The following VPS13D variants were observed in gnomAD, a reference collection of about 807,000 sequenced individuals.
The protein encoded by VPS13D is vacuolar protein sorting 13 homolog D.
In VPS13D, 187 loss-of-function variants were observed where a neutral mutation model predicts 461.9. The observed-to-expected ratio is 0.40, with a 90% CI of 0.36 to 0.46. The LOEUF (loss-of-function observed/expected upper bound fraction) is 0.46, where lower values mean the gene tolerates loss of function less well. Among genes scored for constraint, VPS13D ranks in the 20% least tolerant of loss-of-function variants. The pLI, the probability that VPS13D is intolerant of heterozygous loss-of-function variation, is 0.60. For synonymous variants in VPS13D, 1,951 were observed against 1,986.3 expected (o/e 0.98, Z 0.47); for missense variants, 4,711 against 5,364.9 (o/e 0.88, Z 3.81).
intron 65 of VPS13D, among the ~76,000 whole-genome samples, chr1:12,455,381 A>G (rs984408071): frequency 3.1e-4 from 47 of 152,350 alleles, no homozygotes; most frequent in African/African-American, 1.1e-3. Flanking sequence ...TCTTACCATG[A>G]TACAGTCCTG....
intron 10 of VPS13D, among the ~76,000 whole-genome samples, chr1:12,259,151 C>G (rs1364536800): frequency 6.6e-6 from 1 of 151,656 alleles, no homozygotes; most frequent in Non-Finnish European, 1.5e-5. Context: ...AAGCCATTCT[C>G]CCAACTCAGC....
rs932691541 is a variant in VPS13D, at chr1:12,383,277, C to T, written c.11370+122C>T. On this transcript the variant is annotated intron_variant, in intron 58 of 69. Transcript: ENST00000620676. ...AGATATGAAGATATGGTATCTTCAT[C>T]TGTAAAATGGGGATAGGATCTACCT... 7.8e-6 allele frequency: 8 copies of T among 1,025,694 alleles called. No homozygotes were observed. In the Admixed American group the frequency reaches 9.6e-5, roughly 12 times the overall value. 63.5% of individuals were successfully genotyped at this position (1,025,694 alleles called of 1,614,324 possible). A position where few individuals can be genotyped will look rare whatever the true frequency, so the allele number is the denominator to read the frequency against.
intron 32 of VPS13D, 119 bp from the exon 33 acceptor site, chr1:12,321,690 T>G: frequency 9.3e-7 from 1 of 1,070,042 alleles, no homozygotes; most frequent in Non-Finnish European, 1.3e-6. Flanking sequence ...TTTCAGCAGT[T>G]GTTATGGGTC....
At chr1:12,462,172 T>G (rs1645421813) in intron 67 of VPS13D, among the ~76,000 whole-genome samples, 1 of 152,206 alleles carries the variant, frequency 6.6e-6, no homozygotes, top group Non-Finnish European at 1.5e-5. Flanking sequence ...ATATAAACAC[T>G]TATTTGCTGA....
intron 65 of VPS13D, among the ~76,000 whole-genome samples, chr1:12,421,311 G>A (rs1007981895): frequency 1.3e-5 from 2 of 152,190 alleles, no homozygotes; most frequent in African/African-American, 4.8e-5. Flanking sequence ...CAAGGCAATC[G>A]CTTCTGGAAG....
At chr1:12,296,538 C>A (rs553166818) in intron 24 of VPS13D, among the ~76,000 whole-genome samples, 1 of 152,062 alleles carries the variant, frequency 6.6e-6, no homozygotes, top group Non-Finnish European at 1.5e-5. Context: ...TCATAGATAT[C>A]CTATGTAGCA....
chr1:12,352,965 CAAAAAAAAAAAAAAAAAA>C lies in VPS13D; in HGVS notation c.9432-995_9432-978del, dbSNP rs61588046. On this transcript the variant is annotated intron_variant, in intron 46 of 69. Coordinates refer to ENST00000620676, the MANE Select transcript of VPS13D (RefSeq NM_015378.4). ...GGGCAATAAGAGTGAAACTCAGTCT[CAAAAAAAAAAAAAAAAAA>C]AAAAAAAAAAAAAGGACCCAGCAAG... is the stretch of plus-strand genomic sequence containing the variant. 1.1e-3 allele frequency among the ~76,000 whole-genome samples: 19 copies of C among 17,588 alleles called. No individual in the cohort carries two copies. The Admixed American group carries it at 0.011, about 10-fold the overall frequency. The allele number at this position is 17,588 out of a possible 152,430, so 11.5% of individuals were successfully genotyped here.
intron 67 of VPS13D, among the ~76,000 whole-genome samples, chr1:12,477,140 G>A (rs1645643018): frequency 6.6e-6 from 1 of 152,186 alleles, no homozygotes; most frequent in South Asian, 2.1e-4. Context: ...TTAGTATCAA[G>A]ATGGGTGAAG....
In VPS13D at chr1:12,253,815, A is replaced by G. The variant is rs1425259841; in HGVS notation, c.658A>G (p.Met220Val). The G allele has an allele frequency of 1.9e-6, 3 of 1,613,922 alleles. No individual in the cohort carries two copies. The highest frequency in any genetic ancestry group is 2.2e-5 in the East Asian group (1 of 44,884). Residue 220 changes from methionine (M) to valine (V), a missense_variant, in exon 7 of 70, where the codon ATG (methionine) becomes GTG (valine). By Grantham distance (21) the Met-to-Val change is conservative. Coordinates refer to ENST00000620676, the MANE Select transcript of VPS13D (RefSeq NM_015378.4). ...DCTLLGDLPQ[M>V]ELQEAMARSM... is the part of the protein sequence containing the mutation. ...CACTTTACTGGGGGATTTGCCTCAG[A>G]TGGAGTTACAGGTACGATTTCGGCA...
chr1:12,504,863 GA>G (rs886367087), intron 68 of VPS13D, among the ~76,000 whole-genome samples: 4 of 152,182 alleles, frequency 2.6e-5, no homozygotes, highest in Non-Finnish European at 5.9e-5. Flanking sequence ...CTGGGTGTGA[GA>G]GCATCTGCCC....
chr1:12,299,936 G>A lies in VPS13D; in HGVS notation c.6216+552G>A, dbSNP rs1406609613. Among the ~76,000 whole-genome samples, 2 of 150,984 alleles carry A rather than the reference G, an allele frequency of 1.3e-5. No individual in the cohort carries two copies. The highest frequency in any genetic ancestry group is 2.1e-4 in the South Asian group (1 of 4,784). On this transcript the variant is annotated intron_variant, in intron 25 of 69. Transcript: ENST00000620676. This position sits in a 1 kb window ranked among gnomAD's most constrained non-coding sequence, Gnocchi z 4.2. ...TTTTCAACTTTTGTTTTAGATACAG[G>A]GGGTACATGTGCAGGTTTCTTAGAT...
At chr1:12,365,977 C>T (rs565272029) in intron 52 of VPS13D, among the ~76,000 whole-genome samples, 5 of 151,770 alleles carry the variant, frequency 3.3e-5, no homozygotes, top group Non-Finnish European at 7.4e-5. Flanking sequence ...AATCATAGTT[C>T]ACTGTGACTT....
chr1:12,420,806 C>A (rs1031353996), intron 65 of VPS13D, among the ~76,000 whole-genome samples: 12 of 152,126 alleles, frequency 7.9e-5, no homozygotes, highest in Non-Finnish European at 1.3e-4. Context: ...TGGTAACTCC[C>A]CCTGTCACAC....
At chr1:12,318,978 A>T (rs969088849) in intron 31 of VPS13D, among the ~76,000 whole-genome samples, 1 of 152,254 alleles carries the variant, frequency 6.6e-6, no homozygotes, top group Non-Finnish European at 1.5e-5. Context: ...AGTTTAAAGC[A>T]GAGTGAATTT....
rs1645588094 is a variant in VPS13D at position 12,473,396 on chromosome 1, AC to A, written c.12662+13001del. Among the ~76,000 whole-genome samples, 1 of 152,206 alleles carries A rather than the reference AC, an allele frequency of 6.6e-6. No homozygotes were observed. Among genetic ancestry groups the A allele is most frequent in the Non-Finnish European group, 1.5e-5 (1 of 68,036 alleles). On this transcript the variant is annotated intron_variant, in intron 67 of 69. Coordinates refer to ENST00000620676, the MANE Select transcript of VPS13D (RefSeq NM_015378.4). The surrounding 1 kb of genome is among the most constrained non-coding windows in gnomAD (Gnocchi z 4.2). ...AGGAAGCAAGAAGGGGTTCCGCAGC[AC>A]TGGCTGCTTCCGGCATCTGCAGTGC...
chr1:12,416,624 C>T (rs1010635635), intron 64 of VPS13D, 36 bp from the exon 65 acceptor site: 16 of 1,596,582 alleles, frequency 1.0e-5, no homozygotes, highest in Non-Finnish European at 1.4e-5. Context: ...TAAGTAGATG[C>T]TGATTGGACT....
rs755586725 is a variant in VPS13D, at chr1:12,333,253, C to T, written c.8315C>T (p.Pro2772Leu). The T allele has an allele frequency of 1.4e-5, 22 of 1,613,938 alleles. No individual in the cohort carries two copies. The East Asian group carries it at 4.7e-4, about 34-fold the overall frequency. The change falls in exon 38 of 70, where the codon CCA (proline) becomes CTA (leucine). Residue 2772 changes from proline (P) to leucine (L), a missense_variant. Physicochemically the swap from Pro to Leu is moderately conservative, Grantham distance 98. This residue lies in a region of VPS13D where 4,411 missense variants were observed against 4,937.8 expected (regional missense o/e 0.89). Coordinates refer to ENST00000620676, the MANE Select transcript of VPS13D (RefSeq NM_015378.4). ...TGGGAGCCATTTATTGAGCCTTGGCCATGCTCTGTATCCTGGCAACAGCAG... is the reference window on the plus strand; with the variant it reads ...TGGGAGCCATTTATTGAGCCTTGGCTATGCTCTGTATCCTGGCAACAGCAG... ...SGWEPFIEPWPCSVSWQQQAA... is the reference protein window; with the variant it reads ...SGWEPFIEPWLCSVSWQQQAA...
At chr1:12,484,392 G>T (rs531139744) in intron 67 of VPS13D, among the ~76,000 whole-genome samples, 6 of 152,272 alleles carry the variant, frequency 3.9e-5, no homozygotes, top group African/African-American at 1.4e-4. Context: ...TGTTGTTATT[G>T]CCTTTTTTGG....
At position 12,348,952 on chromosome 1, in the gene VPS13D, G is replaced by T. The variant is rs769370293; in HGVS notation, c.9199G>T (p.Asp3067Tyr). The change falls in exon 45 of 70, where the codon GAT (aspartate) becomes TAT (tyrosine). Residue 3067 changes from aspartate to tyrosine, a missense_variant. Asp to Tyr is a radical substitution (Grantham distance 160). Coordinates refer to ENST00000620676, the MANE Select transcript of VPS13D (RefSeq NM_015378.4). Reference protein sequence around the residue: ...RLETPMELRLDSPSAPDKPVV... With the variant: ...RLETPMELRLYSPSAPDKPVV... ...TGAGACACCAATGGAACTAAGACTG[G>T]ATAGCCCATCAGCTCCAGACAGTAT... 6.2e-7 allele frequency: 1 copy of T among 1,614,164 alleles called. No individual in the cohort carries two copies. The highest frequency in any genetic ancestry group is 2.2e-5 in the East Asian group (1 of 44,878).
Sources: allele counts gnomAD v4.1 joint callset (sites outside exome capture counted in the v4.1 genomes callset), GRCh38; gene constraint gnomAD v4.1.1; regional missense constraint gnomAD v4.1.1; non-coding constraint Gnocchi (gnomAD v3.1); transcripts MANE v1.5; gene names NCBI Gene and HGNC (gene_info 2026-07-23, HGNC 2026-07-21).